Variants in BMERB1 observed in about 807,000 individuals in gnomAD.
The protein encoded by BMERB1 is bMERB domain containing 1, also known as bMERB domain-containing protein 1.
In BMERB1, 12 loss-of-function variants were observed where a neutral mutation model predicts 23.6. The observed-to-expected ratio is 0.51, with a 90% confidence interval of 0.33 to 0.82. The LOEUF is 0.82. BMERB1 is among the 40% of genes least tolerant of loss of function. The pLI is 0.03. For missense variants in BMERB1, 247 were observed against 255.4 expected (o/e 0.97, Z 0.22); for synonymous variants, 122 against 96.6 (o/e 1.26, Z -1.54).
chr16:15,533,131 AC>A, intron 2 of BMERB1: 1 of 379,756 alleles, frequency 2.6e-6, no homozygotes, highest in South Asian at 1.9e-5. Flanking sequence ...AGTGCCTGCT[AC>A]CACGTAAGTG....
At chr16:15,477,372 C>T (rs1196004385) in intron 1 of BMERB1, among the ~76,000 whole-genome samples, 1 of 152,164 alleles carries the variant, frequency 6.6e-6, no homozygotes, top group Non-Finnish European at 1.5e-5. Context: ...CCGCCCTTGA[C>T]ACGTGGGGAT....
At chr16:15,532,397 A>C (rs546303354) in intron 2 of BMERB1, among the ~76,000 whole-genome samples, 2 of 151,334 alleles carry the variant, frequency 1.3e-5, no homozygotes, top group Non-Finnish European at 2.9e-5. Context: ...GCTCCCAGCT[A>C]ATTTGTATTT....
chr16:15,582,378 G>T (rs1161703548), intron 4 of BMERB1, among the ~76,000 whole-genome samples: 3 of 152,204 alleles, frequency 2.0e-5, no homozygotes, highest in African/African-American at 7.2e-5. Context: ...TCTAGCCTGG[G>T]TGACAGAGTG....
intron 2 of BMERB1, among the ~76,000 whole-genome samples, chr16:15,532,479 C>T (rs1225544603): frequency 2.0e-5 from 3 of 151,702 alleles, no homozygotes; most frequent in East Asian, 1.9e-4. Flanking sequence ...TCGCCTGCCT[C>T]GGCCTCCCAA....
chr16:15,476,382 C>T (rs1364382845), intron 1 of BMERB1, among the ~76,000 whole-genome samples: 4 of 152,220 alleles, frequency 2.6e-5, no homozygotes, highest in East Asian at 1.9e-4. Context: ...AGGCTGGTCT[C>T]GAACTCCTTA....
chr16:15,510,348 C>CT (rs969603950), intron 1 of BMERB1, among the ~76,000 whole-genome samples: 5 of 152,170 alleles, frequency 3.3e-5, no homozygotes, highest in African/African-American at 1.2e-4. Flanking sequence ...GGACTCAGCT[C>CT]TTTCCCTTGC....
chr16:15,488,883 T>A (rs2051390829), intron 1 of BMERB1, among the ~76,000 whole-genome samples: 1 of 117,114 alleles, frequency 8.5e-6, no homozygotes, highest in African/African-American at 3.3e-5. Context: ...AACAGAAAAC[T>A]CAACCCAAAC....
intron 1 of BMERB1, among the ~76,000 whole-genome samples, chr16:15,439,159 G>A (rs150664294): frequency 2.8e-4 from 42 of 152,268 alleles, no homozygotes; most frequent in Non-Finnish European, 5.4e-4. Flanking sequence ...TAAAAGATAT[G>A]TAATGTGCTA....
In BMERB1 at chr16:15,544,739, G is replaced by T. The variant is rs117407586; in HGVS notation, c.231-23244G>T. On this transcript the variant is annotated intron_variant, in intron 2 of 5. Coordinates refer to ENST00000300006, the MANE Select transcript of BMERB1 (RefSeq NM_033201.3). ...AGATAAAGACATGAACATTGTCCCA[G>T]CCACAAAAATCACCCAATAGCCCCA... Among the ~76,000 whole-genome samples, 261 of 152,288 alleles carry T rather than the reference G, an allele frequency of 1.7e-3. 2 individuals carry two copies. In the East Asian group the frequency reaches 0.043, roughly 25 times the overall value.
chr16:15,578,915 G>A (rs1052066271), intron 3 of BMERB1, among the ~76,000 whole-genome samples: 2 of 152,154 alleles, frequency 1.3e-5, no homozygotes, highest in Admixed American at 1.3e-4. Flanking sequence ...TGGCACACAC[G>A]CACGTGAGCA....
chr16:15,567,760 C>T, intron 2 of BMERB1, among the ~76,000 whole-genome samples: 1 of 152,066 alleles, frequency 6.6e-6, no homozygotes, highest in Non-Finnish European at 1.5e-5. Flanking sequence ...GAGACTCTGT[C>T]ACAAACAAAC....
Position 15,587,355 on chromosome 16 carries a change from G to A in BMERB1, c.*526G>A, listed in dbSNP as rs978651046. On this transcript the variant is annotated 3_prime_UTR_variant, in exon 6 of 6. Transcript: ENST00000300006. Reference sequence around the variant, plus strand: ...GCTCCACATGGCCCCCGTGTCTCTCGGGCACCACCCATATAGCAGTCCCAG... The same window carrying A: ...GCTCCACATGGCCCCCGTGTCTCTCAGGCACCACCCATATAGCAGTCCCAG... 26 of 243,480 alleles carry A rather than the reference G, an allele frequency of 1.1e-4. No homozygotes were observed. The highest frequency in any genetic ancestry group is 1.8e-4 in the African/African-American group (8 of 43,410). The allele number at this position is 243,480 out of a possible 1,614,324, so 15.1% of individuals were successfully genotyped here.
At chr16:15,507,097 G>A (rs2051600118) in intron 1 of BMERB1, among the ~76,000 whole-genome samples, 1 of 152,220 alleles carries the variant, frequency 6.6e-6, no homozygotes, top group African/African-American at 2.4e-5. Flanking sequence ...TAAAGGCAGA[G>A]GTTGTGCAGG....
intron 1 of BMERB1, among the ~76,000 whole-genome samples, chr16:15,454,790 TA>T (rs11452641): frequency 5.0e-4 from 72 of 144,114 alleles, no homozygotes; most frequent in African/African-American, 9.1e-4. Context: ...AGACTCAGTC[TA>T]AAAAAAAAAA....
chr16:15,575,147 G>T (rs2030826505), intron 3 of BMERB1, among the ~76,000 whole-genome samples: 1 of 152,156 alleles, frequency 6.6e-6, no homozygotes, highest in South Asian at 2.1e-4. Context: ...CCTGGCCCAT[G>T]GGTGTGACTC....
intron 1 of BMERB1, among the ~76,000 whole-genome samples, chr16:15,513,011 C>T (rs146744278): frequency 2.0e-5 from 3 of 151,960 alleles, no homozygotes; most frequent in Non-Finnish European, 4.4e-5. Context: ...GTGGGGTGGG[C>T]TCCATCTTGG....
At chr16:15,435,272 CG>C (rs1189543999) in intron 1 of BMERB1, among the ~76,000 whole-genome samples, 5 of 152,200 alleles carry the variant, frequency 3.3e-5, no homozygotes, top group African/African-American at 9.6e-5. Context: ...TTCCTTGGGT[CG>C]GGGTGGGAGG....
At chr16:15,530,695 A>G (rs530922059) in intron 2 of BMERB1, among the ~76,000 whole-genome samples, 82 of 152,256 alleles carry the variant, frequency 5.4e-4, no homozygotes, top group African/African-American at 1.9e-3. Context: ...AGGTAATTCA[A>G]TCATGTGGGT....
intron 1 of BMERB1, among the ~76,000 whole-genome samples, chr16:15,498,636 AAG>A (rs772856225): frequency 3.3e-5 from 5 of 151,826 alleles, no homozygotes; most frequent in Admixed American, 6.6e-5. Flanking sequence ...GAAAGGAAGA[AAG>A]AGGAAGGAAG....
Sources: gnomAD v4.1 joint callset for allele counts (sites outside exome capture counted in the v4.1 genomes callset) on GRCh38, gnomAD v4.1.1 for gene constraint, MANE v1.5 for transcripts, NCBI Gene and HGNC (gene_info 2026-07-23, HGNC 2026-07-21) for gene names.